CPQ: variants seen among roughly 807,000 people sequenced by gnomAD.
CPQ encodes Ser-Met dipeptidase.
A neutral mutation model predicts 45.7 loss-of-function variants in CPQ; 37 were observed. The ratio of observed to expected loss-of-function variants is 0.81; its 90% CI spans 0.62 to 1.07. CPQ has a LOEUF of 1.07. Ranked by LOEUF, CPQ falls within the 50% of genes least tolerant of loss-of-function variation. The pLI, the probability that CPQ is intolerant of heterozygous loss-of-function variation, is 0.00. For missense variants in CPQ, 537 were observed against 572.9 expected, an observed-to-expected ratio of 0.94 and a Z score of 0.64; for synonymous variants, 186 against 205.8, an observed-to-expected ratio of 0.90 and a Z score of 0.82.
At chr8:96,864,300 T>A (rs752151064) in intron 3 of CPQ, among the ~76,000 whole-genome samples, 2 of 152,082 alleles carry the variant, frequency 1.3e-5, no homozygotes, top group East Asian at 1.9e-4. Flanking sequence ...ATTCTCCCAG[T>A]TGGAAATGAT....
At chr8:96,802,585 G>A (rs931203163) in intron 2 of CPQ, among the ~76,000 whole-genome samples, 19 of 152,206 alleles carry the variant, frequency 1.2e-4, no homozygotes, top group African/African-American at 4.3e-4. Context: ...CAATTTCCAG[G>A]AAGTTTCAGA....
chr8:97,048,500 T>G (rs924969376), intron 6 of CPQ, among the ~76,000 whole-genome samples: 10 of 152,228 alleles, frequency 6.6e-5, no homozygotes, highest in African/African-American at 2.4e-4. Flanking sequence ...GGACTCTAAT[T>G]CATTCTTTCC....
intron 2 of CPQ, among the ~76,000 whole-genome samples, chr8:96,795,739 G>A (rs1810919257): frequency 6.6e-6 from 1 of 151,754 alleles, no homozygotes. Flanking sequence ...CTTTTAAATA[G>A]CATGGGTATA....
Position 96,855,108 on chromosome 8 carries a change from G to T in CPQ, c.641+19928G>T, listed in dbSNP as rs143363843. Among the ~76,000 whole-genome samples the T allele has an allele frequency of 4.7e-3, 710 of 152,228 alleles. 7 individuals are homozygous for T. The highest frequency in any genetic ancestry group is 0.016 in the African/African-American group (679 of 41,538). ...AGGGTCAGCCTTTTTGTTCTATTTG[G>T]GCTTTCAGCTGCTTGAATAGGGTCC... is the stretch of plus-strand genomic sequence containing the variant. On this transcript the variant is annotated intron_variant, in intron 3 of 7. Coordinates refer to ENST00000220763, the MANE Select transcript of CPQ (RefSeq NM_016134.4).
chr8:96,944,191 G>A (rs561796615), intron 4 of CPQ, among the ~76,000 whole-genome samples: 1 of 152,000 alleles, frequency 6.6e-6, no homozygotes, highest in African/African-American at 2.4e-5. Flanking sequence ...GAATCCCGGA[G>A]TTCTGTCTAT....
chr8:96,914,602 G>A (rs553375763), intron 4 of CPQ, among the ~76,000 whole-genome samples: 1 of 152,204 alleles, frequency 6.6e-6, no homozygotes, highest in East Asian at 1.9e-4. Context: ...AAACGTCTCA[G>A]TTTTCAGTGA....
intron 1 of CPQ, among the ~76,000 whole-genome samples, chr8:96,744,238 T>A (rs567513645): frequency 1.3e-5 from 2 of 152,364 alleles, no homozygotes; most frequent in African/African-American, 4.8e-5. Flanking sequence ...GACCCGATTT[T>A]CCAGATGCCG....
intron 5 of CPQ, among the ~76,000 whole-genome samples, chr8:96,972,537 C>G (rs1563543098): frequency 6.6e-6 from 1 of 152,174 alleles, no homozygotes; most frequent in African/African-American, 2.4e-5. Flanking sequence ...ACAGCTGATA[C>G]ACTCTTGTCA....
chr8:97,120,130 C>T (rs1230332389), intron 7 of CPQ, among the ~76,000 whole-genome samples: 1 of 152,148 alleles, frequency 6.6e-6, no homozygotes, highest in Non-Finnish European at 1.5e-5. Context: ...TTAGGACCTC[C>T]TTTTTCCCCA....
chr8:96,707,230 A>G (rs1181656503), intron 1 of CPQ, among the ~76,000 whole-genome samples: 1 of 152,154 alleles, frequency 6.6e-6, no homozygotes, highest in Non-Finnish European at 1.5e-5. Context: ...TTTTCTATGC[A>G]CTGCCCAATA....
intron 4 of CPQ, among the ~76,000 whole-genome samples, chr8:96,909,500 G>A (rs1403680785): frequency 1.3e-5 from 2 of 152,160 alleles, no homozygotes; most frequent in Non-Finnish European, 2.9e-5. Context: ...CTTACCATGA[G>A]AATGTCATGC....
intron 7 of CPQ, among the ~76,000 whole-genome samples, chr8:97,104,848 C>A (rs1015433394): frequency 1.3e-5 from 2 of 152,156 alleles, no homozygotes; most frequent in African/African-American, 4.8e-5. Flanking sequence ...TAATTGGATT[C>A]TTGTGCCCTT....
In CPQ at chr8:96,880,155, T is replaced by C. The variant is rs186228301; in HGVS notation, c.849+150T>C. 217 of 666,914 alleles carry C rather than the reference T, an allele frequency of 3.3e-4. 1 individual carries two copies. The African/African-American group carries it at 3.6e-3, about 11-fold the overall frequency. The allele number at this position is 666,914 out of a possible 1,614,324, so 41.3% of individuals were successfully genotyped here. A position where few individuals can be genotyped will look rare whatever the true frequency, so the allele number is the denominator to read the frequency against. ...GAAGCTTTATATATATTTTTTCTCA[T>C]CAAAATTTTACCATGTTTACCATCT... On this transcript the variant is annotated intron_variant, in intron 4 of 7. Coordinates refer to ENST00000220763, the MANE Select transcript of CPQ (RefSeq NM_016134.4).
chr8:97,026,407 C>T (rs775043946), intron 5 of CPQ, among the ~76,000 whole-genome samples: 19 of 152,172 alleles, frequency 1.2e-4, no homozygotes, highest in Non-Finnish European at 2.2e-4. Flanking sequence ...TAAAACACAG[C>T]TCAGACTCCA....
chr8:97,053,300 A>G (rs748653313), intron 6 of CPQ, among the ~76,000 whole-genome samples: 4 of 152,216 alleles, frequency 2.6e-5, no homozygotes, highest in Non-Finnish European at 5.9e-5. Context: ...AAATTGGATA[A>G]ATAAGTAAAA....
At chr8:97,044,286 G>T (rs1354661932) in intron 6 of CPQ, among the ~76,000 whole-genome samples, 1 of 152,124 alleles carries the variant, frequency 6.6e-6, no homozygotes, top group Non-Finnish European at 1.5e-5. Flanking sequence ...CGGCTCCTGA[G>T]GCTTCTGCAT....
intron 1 of CPQ, among the ~76,000 whole-genome samples, chr8:96,713,674 G>T (rs887215679): frequency 9.2e-5 from 14 of 152,056 alleles, no homozygotes; most frequent in African/African-American, 3.4e-4. Flanking sequence ...AGTGCATGGG[G>T]ATTATGGGAA....
intron 7 of CPQ, among the ~76,000 whole-genome samples, chr8:97,094,945 A>G (rs1260505097): frequency 6.6e-6 from 1 of 152,088 alleles, no homozygotes; most frequent in East Asian, 1.9e-4. Context: ...GAACTGGTGC[A>G]TTCTAGTCCT....
intron 4 of CPQ, among the ~76,000 whole-genome samples, chr8:96,908,134 G>GTC (rs1209668518): frequency 6.6e-6 from 1 of 151,032 alleles, no homozygotes; most frequent in Admixed American, 6.6e-5. Context: ...GTGTGTGTGT[G>GTC]TGTGTGTGTC....
Sources: allele counts gnomAD v4.1 joint callset (sites outside exome capture counted in the v4.1 genomes callset), GRCh38; gene constraint gnomAD v4.1.1; transcripts MANE v1.5; gene names NCBI Gene and HGNC (gene_info 2026-07-23, HGNC 2026-07-21).